Variants in SMYD3 observed in about 807,000 individuals in gnomAD.
The protein encoded by SMYD3 is histone-lysine N-methyltransferase SMYD3.
SMYD3 carries 36 observed loss-of-function variants against 57.7 expected under a neutral mutation model. The ratio of observed to expected loss-of-function variants is 0.62; its 90% CI spans 0.48 to 0.82. The LOEUF (loss-of-function observed/expected upper bound fraction) is 0.82. SMYD3 is among the 40% of genes least tolerant of loss of function. The probability of loss-of-function intolerance (pLI) is 0.00; values close to 1 mark genes in which losing one functional copy is unlikely to be tolerated. For missense variants in SMYD3, 515 were observed against 538.8 expected, an observed-to-expected ratio of 0.96 and a Z score of 0.44; for synonymous variants, 211 against 195.0, an observed-to-expected ratio of 1.08 and a Z score of -0.68.
chr1:246,501,670 G>A (rs551323476), intron 1 of SMYD3, among the ~76,000 whole-genome samples: 5 of 152,106 alleles, frequency 3.3e-5, no homozygotes, highest in South Asian at 2.1e-4. Context: ...TCAACTTCCC[G>A]TCCCCTCTCT....
At chr1:245,824,245 G>A (rs1371283255) in intron 10 of SMYD3, among the ~76,000 whole-genome samples, 1 of 152,202 alleles carries the variant, frequency 6.6e-6, no homozygotes. Flanking sequence ...CAAAATATAG[G>A]TTGCCATTTA....
intron 1 of SMYD3, among the ~76,000 whole-genome samples, chr1:246,450,533 T>G (rs2067617818): frequency 6.6e-6 from 1 of 152,102 alleles, no homozygotes; most frequent in South Asian, 2.1e-4. Flanking sequence ...TACACAGGTG[T>G]ATGCATTTGT....
chr1:245,984,933 C>T (rs1212099527), intron 5 of SMYD3, among the ~76,000 whole-genome samples: 1 of 151,994 alleles, frequency 6.6e-6, no homozygotes, highest in Admixed American at 6.6e-5. Flanking sequence ...AATCTATTTG[C>T]CCTCTCAACT....
rs556724205 is a variant in SMYD3, at chr1:246,220,952, C to A, written c.531+106249G>T. ...TGGTACTACCAGCTGCAGAGGGGAG[C>A]AACCCACTCTGGGGCCTCCTCTCTG... On this transcript the variant is annotated intron_variant, in intron 5 of 11. Transcript: ENST00000490107. 2.0e-5 allele frequency among the ~76,000 whole-genome samples: 3 copies of A among 152,156 alleles called. No individual in the cohort carries two copies. The East Asian group carries it at 5.8e-4, about 30-fold the overall frequency.
intron 1 of SMYD3, among the ~76,000 whole-genome samples, chr1:246,377,114 TATTA>T (rs1453516857): frequency 3.3e-5 from 5 of 151,894 alleles, no homozygotes; most frequent in African/African-American, 1.2e-4. Context: ...AATAATAACG[TATTA>T]ATTCATTCAA....
intron 5 of SMYD3, among the ~76,000 whole-genome samples, chr1:246,062,515 T>C (rs1023766487): frequency 6.6e-6 from 1 of 152,242 alleles, no homozygotes; most frequent in African/African-American, 2.4e-5. Flanking sequence ...TGTGTCTGTT[T>C]TGGATTACAA....
chr1:246,177,929 T>G (rs7531193), intron 5 of SMYD3, among the ~76,000 whole-genome samples: 129,358 of 152,122 alleles, frequency 0.85, 55,168 homozygotes, highest in Admixed American at 0.91. Context: ...CTTAGGGAGG[T>G]GCTACTCTCT....
chr1:246,111,777 C>A (rs1001248), intron 5 of SMYD3, among the ~76,000 whole-genome samples: 26,738 of 152,068 alleles, frequency 0.18, 3,012 homozygotes, highest in East Asian at 0.4. Flanking sequence ...CTGCTTTTTC[C>A]CAGACTACTT....
intron 7 of SMYD3, among the ~76,000 whole-genome samples, chr1:245,916,022 G>A (rs1015392963): frequency 3.3e-5 from 5 of 152,162 alleles, no homozygotes; most frequent in Non-Finnish European, 7.4e-5. Flanking sequence ...CCTGGCAACC[G>A]AAAGGGTGGC....
chr1:246,363,922 AAAAT>A lies in SMYD3; in HGVS notation c.165-8832_165-8829del, dbSNP rs1035267715. ...GAAACACCCAAGAATGATCAATAAA[AAAAT>A]AAATAAATAAAAAGGAAAAAGAAAA... On this transcript the variant is annotated intron_variant, in intron 1 of 11. Coordinates refer to ENST00000490107, the MANE Select transcript of SMYD3 (RefSeq NM_001167740.2). Among the ~76,000 whole-genome samples, 24 of 152,344 alleles carry A rather than the reference AAAAT, an allele frequency of 1.6e-4. No homozygotes were observed. The East Asian group carries it at 2.5e-3, about 16-fold the overall frequency.
intron 5 of SMYD3, among the ~76,000 whole-genome samples, chr1:245,996,598 C>T (rs1466169324): frequency 6.6e-6 from 1 of 152,336 alleles, no homozygotes; most frequent in Non-Finnish European, 1.5e-5. Flanking sequence ...CAGTAACTAT[C>T]TGGTGAATGT....
At chr1:246,155,289 T>C (rs1213314856) in intron 5 of SMYD3, among the ~76,000 whole-genome samples, 1 of 152,220 alleles carries the variant, frequency 6.6e-6, no homozygotes, top group African/African-American at 2.4e-5. Context: ...GCTTAATCTT[T>C]AGCTTTTGCT....
intron 5 of SMYD3, among the ~76,000 whole-genome samples, chr1:246,258,547 C>T (rs867654927): frequency 2.0e-5 from 3 of 152,164 alleles, no homozygotes; most frequent in African/African-American, 7.2e-5. Flanking sequence ...AATAGCCCCC[C>T]CAACTCACTT....
chr1:246,030,017 T>C (rs1022941745), intron 5 of SMYD3, among the ~76,000 whole-genome samples: 31 of 150,794 alleles, frequency 2.1e-4, no homozygotes, highest in African/African-American at 7.5e-4. Flanking sequence ...TTTTTTTTTT[T>C]TTTTTTTACA....
intron 5 of SMYD3, among the ~76,000 whole-genome samples, chr1:246,017,744 G>C (rs1023918516): frequency 1.3e-5 from 2 of 152,116 alleles, no homozygotes; most frequent in Non-Finnish European, 2.9e-5. Flanking sequence ...TTGGGAGTGG[G>C]GAGAGTTACT....
At chr1:246,394,558 C>G (rs533896508) in intron 1 of SMYD3, among the ~76,000 whole-genome samples, 1 of 152,190 alleles carries the variant, frequency 6.6e-6, no homozygotes, top group Non-Finnish European at 1.5e-5. Context: ...TCAGAATATT[C>G]GAAAACAAGA....
At chr1:246,333,827 A>G (rs1306288125) in intron 3 of SMYD3, among the ~76,000 whole-genome samples, 3 of 152,182 alleles carry the variant, frequency 2.0e-5, no homozygotes, top group Admixed American at 6.5e-5. Context: ...TTGAGGCTGC[A>G]GTGCGCCATG....
intron 1 of SMYD3, among the ~76,000 whole-genome samples, chr1:246,437,691 T>C (rs1189551249): frequency 6.6e-6 from 1 of 152,218 alleles, no homozygotes; most frequent in Non-Finnish European, 1.5e-5. Flanking sequence ...AAAATCAACT[T>C]AAAAGCAGCA....
intron 1 of SMYD3, among the ~76,000 whole-genome samples, chr1:246,368,526 A>C (rs1165195659): frequency 1.3e-5 from 2 of 152,200 alleles, no homozygotes; most frequent in Non-Finnish European, 2.9e-5. Context: ...CATTATTCAG[A>C]GCTCCTTCCT....
Sources: gnomAD v4.1 joint callset for allele counts (sites outside exome capture counted in the v4.1 genomes callset) on GRCh38, gnomAD v4.1.1 for gene constraint, MANE v1.5 for transcripts, NCBI Gene and HGNC (gene_info 2026-07-23, HGNC 2026-07-21) for gene names.